Variants in STK32B observed in about 807,000 individuals in gnomAD.
STK32B encodes serine/threonine-protein kinase 32B.
STK32B carries 43 observed loss-of-function variants against 52.6 expected under a neutral mutation model. That is an observed-to-expected ratio of 0.82 (90% CI 0.64 to 1.05). The LOEUF is 1.05. Among genes scored for constraint, STK32B ranks in the 50% least tolerant of loss-of-function variants. The pLI is 0.00. For missense variants in STK32B, 621 were observed against 534.6 expected (o/e 1.16, Z -1.59); for synonymous variants, 238 against 204.3 (o/e 1.17, Z -1.41).
chr4:5,227,252 T>C (rs1723937156), intron 3 of STK32B, among the ~76,000 whole-genome samples: 1 of 152,228 alleles, frequency 6.6e-6, no homozygotes, highest in African/African-American at 2.4e-5. Flanking sequence ...CGAAATCATG[T>C]CAATGAGATT....
chr4:5,167,862 C>G (rs528138255), intron 2 of STK32B, among the ~76,000 whole-genome samples: 9 of 152,160 alleles, frequency 5.9e-5, no homozygotes, highest in Non-Finnish European at 1.0e-4. Flanking sequence ...GGATGGAAGT[C>G]AGGCAGGTAG....
At chr4:5,418,171 T>G (rs1234900930) in intron 6 of STK32B, among the ~76,000 whole-genome samples, 9 of 152,266 alleles carry the variant, frequency 5.9e-5, no homozygotes, top group Non-Finnish European at 1.2e-4. Context: ...GTCTTTTAAC[T>G]CTTTTGAAAC....
intron 1 of STK32B, among the ~76,000 whole-genome samples, chr4:5,118,966 C>T (rs1313415307): frequency 2.0e-5 from 3 of 152,374 alleles, no homozygotes; most frequent in South Asian, 2.1e-4. Flanking sequence ...ACCCCCACCC[C>T]ACACCCAGGA....
At chr4:5,071,018 G>A (rs1711737644) in intron 1 of STK32B, among the ~76,000 whole-genome samples, 1 of 152,176 alleles carries the variant, frequency 6.6e-6, no homozygotes, top group South Asian at 2.1e-4. Context: ...AAAGACAAAA[G>A]AGCAATAGCA....
intron 5 of STK32B, among the ~76,000 whole-genome samples, chr4:5,402,226 C>T (rs1172343946): frequency 6.6e-6 from 1 of 152,184 alleles, no homozygotes; most frequent in East Asian, 1.9e-4. Flanking sequence ...TGGGGTGATC[C>T]AGAGAGGGGT....
chr4:5,039,217 A>G, the STK32B span, among the ~76,000 whole-genome samples: 1 of 151,720 alleles, frequency 6.6e-6, no homozygotes, highest in South Asian at 2.1e-4. Flanking sequence ...CTGGTCTTAA[A>G]CTCCCAGACT....
At chr4:5,334,960 A>C (rs572360688) in intron 4 of STK32B, among the ~76,000 whole-genome samples, 3,218 of 151,784 alleles carry the variant, frequency 0.021, 49 homozygotes, top group Non-Finnish European at 0.034. Context: ...TGTCTCTGCC[A>C]GGCTTTGGTA....
chr4:5,311,913 TA>T (rs200970717), intron 3 of STK32B, among the ~76,000 whole-genome samples: 24 of 144,360 alleles, frequency 1.7e-4, no homozygotes, highest in East Asian at 3.9e-4. Context: ...TATATATATA[TA>T]TTTTTTTTTA....
intron 1 of STK32B, among the ~76,000 whole-genome samples, chr4:5,089,484 G>C (rs549903273): frequency 6.6e-6 from 1 of 152,256 alleles, no homozygotes; most frequent in Admixed American, 6.5e-5. Context: ...ATGGCTTCTA[G>C]CTTCATCCAT....
intron 6 of STK32B, among the ~76,000 whole-genome samples, chr4:5,418,081 C>T (rs906107601): frequency 1.3e-5 from 2 of 152,204 alleles, no homozygotes; most frequent in Non-Finnish European, 2.9e-5. Flanking sequence ...TAGCCAACCA[C>T]GTGGAAGGGA....
At chr4:5,257,113 G>A (rs912346527) in intron 3 of STK32B, among the ~76,000 whole-genome samples, 1 of 152,226 alleles carries the variant, frequency 6.6e-6, no homozygotes, top group Non-Finnish European at 1.5e-5. Flanking sequence ...GTGAACAAGT[G>A]AACGTGAGGG....
At chr4:5,261,520 C>T (rs1389147493) in intron 3 of STK32B, among the ~76,000 whole-genome samples, 3 of 152,086 alleles carry the variant, frequency 2.0e-5, no homozygotes, top group Non-Finnish European at 4.4e-5. Flanking sequence ...GACTCTTTAA[C>T]CTATTGTTTC....
chr4:5,110,099 T>C (rs1714316148), intron 1 of STK32B, among the ~76,000 whole-genome samples: 1 of 151,800 alleles, frequency 6.6e-6, no homozygotes. Flanking sequence ...AAAGAAATTG[T>C]AGACAATGCA....
At chr4:5,276,785 G>A (rs1727852393) in intron 3 of STK32B, among the ~76,000 whole-genome samples, 1 of 152,012 alleles carries the variant, frequency 6.6e-6, no homozygotes, top group Non-Finnish European at 1.5e-5. Context: ...TGCCCAGAGA[G>A]GCACAGCTGG....
At position 5,163,285 on chromosome 4, in the gene STK32B, A is replaced by G. The variant is rs145798712; in HGVS notation, c.109-5014A>G. Among the ~76,000 whole-genome samples, 474 of 152,320 alleles carry G rather than the reference A, an allele frequency of 3.1e-3. 1 individual carries two copies. Among genetic ancestry groups the G allele is most frequent in the Middle Eastern group, 6.8e-3 (2 of 294 alleles). The stretch of plus-strand genomic sequence containing the variant: ...CTGAGTTGGCAAGGCCTCTGTCTGC[A>G]GGGTGCTTGGAGTCTGACTGCCAGA... On this transcript the variant is annotated intron_variant, in intron 2 of 11. Transcript: ENST00000282908.
At chr4:5,239,904 T>A (rs61440386) in intron 3 of STK32B, among the ~76,000 whole-genome samples, 1 of 152,102 alleles carries the variant, frequency 6.6e-6, no homozygotes, top group African/African-American at 2.4e-5. Flanking sequence ...CTGCACCTTA[T>A]CTCTGCCATT....
intron 2 of STK32B, among the ~76,000 whole-genome samples, chr4:5,163,322 A>C (rs1718592725): frequency 6.6e-6 from 1 of 151,972 alleles, no homozygotes; most frequent in Non-Finnish European, 1.5e-5. Flanking sequence ...AAAAACGGGG[A>C]TTTATAATAC....
intron 3 of STK32B, among the ~76,000 whole-genome samples, chr4:5,284,752 A>G (rs1728438720): frequency 6.6e-6 from 1 of 152,184 alleles, no homozygotes; most frequent in African/African-American, 2.4e-5. Flanking sequence ...GATACTAATC[A>G]TCTCCACGTG....
chr4:5,443,780 G>C (rs889199087), intron 6 of STK32B, among the ~76,000 whole-genome samples: 1 of 152,052 alleles, frequency 6.6e-6, no homozygotes, highest in Admixed American at 6.5e-5. Context: ...TGGGTTTTTG[G>C]TGTGGATGTC....
Sources: allele counts gnomAD v4.1 joint callset (sites outside exome capture counted in the v4.1 genomes callset), GRCh38; gene constraint gnomAD v4.1.1; transcripts MANE v1.5; gene names NCBI Gene and HGNC (gene_info 2026-07-23, HGNC 2026-07-21).